The following WLS variants were observed in gnomAD, a reference collection of about 807,000 sequenced individuals.
WLS encodes protein wntless homolog.
A neutral mutation model predicts 62.8 loss-of-function variants in WLS; 23 were observed. The ratio of observed to expected loss-of-function variants is 0.37; its 90% CI spans 0.26 to 0.52. The LOEUF (loss-of-function observed/expected upper bound fraction) is 0.52, where lower values mean the gene tolerates loss of function less well. Among genes scored for constraint, WLS ranks in the 20% least tolerant of loss-of-function variants. The pLI, the probability that WLS is intolerant of heterozygous loss-of-function variation, is 0.92. For missense variants in WLS, 615 were observed against 697.3 expected, an observed-to-expected ratio of 0.88 and a Z score of 1.33; for synonymous variants, 246 against 244.1, an observed-to-expected ratio of 1.01 and a Z score of -0.07.
intron 2 of WLS, chr1:68,162,908 G>T: frequency 6.4e-7 from 1 of 1,568,772 alleles, no homozygotes; most frequent in Non-Finnish European, 8.8e-7. Context: ...TGGACTGCGC[G>T]TCACAGAAGG....
intron 11 of WLS, among the ~76,000 whole-genome samples, chr1:68,137,407 A>G (rs1646626298): frequency 6.6e-6 from 1 of 152,186 alleles, no homozygotes; most frequent in Non-Finnish European, 1.5e-5. Flanking sequence ...CCTCCACCTG[A>G]TATCTTAGGA....
intron 11 of WLS, among the ~76,000 whole-genome samples, chr1:68,109,645 G>A (rs1646194946): frequency 1.3e-5 from 2 of 152,110 alleles, no homozygotes; most frequent in African/African-American, 4.8e-5. Flanking sequence ...AATTAGTGAA[G>A]TGGAAAATAG....
intron 1 of WLS, among the ~76,000 whole-genome samples, chr1:68,221,402 C>T (rs1649936128): frequency 1.3e-5 from 2 of 152,182 alleles, no homozygotes; most frequent in South Asian, 2.1e-4. Context: ...TTTTCAAAGC[C>T]TCAGTAAAAA....
Position 68,126,024 on chromosome 1 carries a change from T to C in WLS, c.*202A>G, listed in dbSNP as rs1420909755. On this transcript the variant is annotated 3_prime_UTR_variant, in exon 12 of 12. Coordinates refer to ENST00000262348, the MANE Select transcript of WLS (RefSeq NM_024911.7). ...CCAGAGTTTTTGTTATCATACACAA[T>C]GCATTAGTGGCTGCAGGAATCTTCC... 7.1e-7 allele frequency: 1 copy of C among 1,407,364 alleles called. No homozygotes were observed. The highest frequency in any genetic ancestry group is 2.6e-5 in the East Asian group (1 of 37,754). 87.2% of individuals were successfully genotyped at this position (1,407,364 alleles called of 1,614,324 possible).
intron 1 of WLS, chr1:68,231,732 C>A (rs1650429826): frequency 6.5e-6 from 3 of 463,308 alleles, no homozygotes; most frequent in South Asian, 4.6e-5. Flanking sequence ...TGTAACAGAG[C>A]TCCGGGTTTG....
chr1:68,182,908 G>GT (rs1315856986), intron 2 of WLS, among the ~76,000 whole-genome samples: 2 of 151,934 alleles, frequency 1.3e-5, no homozygotes, highest in Non-Finnish European at 2.9e-5. Context: ...AATGTTAGAG[G>GT]TTTTTTTTGT....
At position 68,129,315 on chromosome 1, in the gene WLS, T is replaced by C. The variant is rs1570845544; in HGVS notation, c.1517-2980A>G. ...ACTCCAGCCTGGGTGAGAGAGTGTCTCAAAAACTAAACAAAACAAAAAACT... is the reference window on the plus strand; with the variant it reads ...ACTCCAGCCTGGGTGAGAGAGTGTCCCAAAAACTAAACAAAACAAAAAACT... On this transcript the variant is annotated intron_variant, in intron 11 of 11. Transcript: ENST00000262348. Among the ~76,000 whole-genome samples the C allele has an allele frequency of 2.8e-5, 3 of 106,906 alleles. 1 individual carries two copies. Among genetic ancestry groups the C allele is most frequent in the South Asian group, 3.2e-4 (1 of 3,142 alleles). 70.1% of individuals were successfully genotyped at this position (106,906 alleles called of 152,430 possible).
intron 1 of WLS, among the ~76,000 whole-genome samples, chr1:68,228,066 A>C (rs1191803225): frequency 6.6e-6 from 1 of 152,230 alleles, no homozygotes; most frequent in African/African-American, 2.4e-5. Flanking sequence ...CAATTTGAGA[A>C]AATTGATTAC....
intron 5 of WLS, among the ~76,000 whole-genome samples, chr1:68,151,901 A>T (rs1219862493): frequency 6.6e-6 from 1 of 152,160 alleles, no homozygotes; most frequent in Non-Finnish European, 1.5e-5. Context: ...TCCTGTGAAT[A>T]GGCTGCAGGG....
chr1:68,214,182 A>AACACACACACAC lies in WLS; in HGVS notation c.106+18000_106+18011dup, dbSNP rs71581159. ...ACTTGGTGCTCAACAGTGATCTCTG[A>AACACACACACAC]ACACACACACACACACACACACACA... On this transcript the variant is annotated intron_variant, in intron 1 of 11. Transcript: ENST00000262348. 5.5e-3 allele frequency among the ~76,000 whole-genome samples: 813 copies of AACACACACACAC among 146,608 alleles called. 2 individuals are homozygous for AACACACACACAC. Among genetic ancestry groups the AACACACACACAC allele is most frequent in the Non-Finnish European group, 8.4e-3 (557 of 66,216 alleles).
At chr1:68,231,565 A>ACCCC in intron 1 of WLS, 1 of 286,406 alleles carries the variant, frequency 3.5e-6, no homozygotes, top group Non-Finnish European at 7.0e-6. Context: ...ATCCCACCCA[A>ACCCC]CCTCCCGGCC....
chr1:68,110,112 C>G (rs1646204960), intron 11 of WLS, among the ~76,000 whole-genome samples: 1 of 147,058 alleles, frequency 6.8e-6, no homozygotes, highest in Non-Finnish European at 1.5e-5. Context: ...TTTAAAAAGA[C>G]TATTAGATTA....
chr1:68,129,257 G>A (rs963580521), intron 11 of WLS, among the ~76,000 whole-genome samples: 2 of 152,168 alleles, frequency 1.3e-5, no homozygotes, highest in Non-Finnish European at 2.9e-5. Flanking sequence ...CCCGGAAGGC[G>A]GAGGTTGCAT....
At position 68,125,823 on chromosome 1, in the gene WLS, T is replaced by TA. The variant is rs1475189956; in HGVS notation, c.*402dup. On this transcript the variant is annotated 3_prime_UTR_variant, in exon 12 of 12. Coordinates refer to ENST00000262348, the MANE Select transcript of WLS (RefSeq NM_024911.7). The stretch of plus-strand genomic sequence containing the variant: ...CTTGGACTGGGACCGCAAAGGATGT[T>TA]AAAATCTATCCTAGAATTTAAAACA... 63 of 1,009,650 alleles carry TA rather than the reference T, an allele frequency of 6.2e-5. No individual in the cohort carries two copies. The highest frequency in any genetic ancestry group is 1.0e-3 in the Middle Eastern group (2 of 2,006). The allele number at this position is 1,009,650 out of a possible 1,614,324, so 62.5% of individuals were successfully genotyped here. A position where few individuals can be genotyped will look rare whatever the true frequency, so the allele number is the denominator to read the frequency against.
At chr1:68,133,907 T>G (rs1191007271) in intron 11 of WLS, among the ~76,000 whole-genome samples, 1 of 152,202 alleles carries the variant, frequency 6.6e-6, no homozygotes, top group Admixed American at 6.5e-5. Flanking sequence ...CCGTCCAGGA[T>G]CCATCTAACA....
rs1394485740 is a variant in WLS at position 68,231,742 on chromosome 1, G to C, written c.106+452C>G. The C allele has an allele frequency of 8.6e-6, 4 of 465,286 alleles. No homozygotes were observed. In the Admixed American group the frequency reaches 9.4e-5, roughly 11 times the overall value. The allele number at this position is 465,286 out of a possible 1,614,324, so 28.8% of individuals were successfully genotyped here. On this transcript the variant is annotated intron_variant, in intron 1 of 11. Transcript: ENST00000262348. ...AGCCTTGTAACAGAGCTCCGGGTTT[G>C]CGCCGGGCACAGTTCCCCGACTCTT...
At chr1:68,219,254 G>A (rs1649851875) in intron 1 of WLS, among the ~76,000 whole-genome samples, 1 of 152,126 alleles carries the variant, frequency 6.6e-6, no homozygotes, top group Non-Finnish European at 1.5e-5. Context: ...ATATAACCCA[G>A]ACATAATAAC....
intron 11 of WLS, among the ~76,000 whole-genome samples, chr1:68,134,697 CT>C (rs764530368): frequency 6.6e-6 from 1 of 152,220 alleles, no homozygotes; most frequent in Non-Finnish European, 1.5e-5. Flanking sequence ...AAAACACCCA[CT>C]TAGCAGAGGA....
chr1:68,115,381 T>C (rs1026462891), intron 11 of WLS, among the ~76,000 whole-genome samples: 2 of 152,244 alleles, frequency 1.3e-5, no homozygotes, highest in African/African-American at 4.8e-5. Context: ...GGGATGACAC[T>C]AGGAATTCGC....
Sources: allele counts gnomAD v4.1 joint callset (sites outside exome capture counted in the v4.1 genomes callset), GRCh38; gene constraint gnomAD v4.1.1; transcripts MANE v1.5; gene names NCBI Gene and HGNC (gene_info 2026-07-23, HGNC 2026-07-21).